MYO16: variants seen among roughly 807,000 people sequenced by gnomAD.
MYO16 encodes the protein myosin XVI.
MYO16 carries 94 observed loss-of-function variants against 205.3 expected under a neutral mutation model. That is an observed-to-expected ratio of 0.46 (90% CI 0.39 to 0.54). The LOEUF is 0.54. MYO16 is among the 20% of genes least tolerant of loss of function. The pLI is 0.00. For synonymous variants in MYO16, 988 were observed against 954.0 expected (o/e 1.04, Z -0.66); for missense variants, 2,315 against 2,387.5 (o/e 0.97, Z 0.63).
intron 20 of MYO16, among the ~76,000 whole-genome samples, chr13:108,984,413 C>T (rs1028675728): frequency 1.3e-5 from 2 of 152,168 alleles, no homozygotes; most frequent in African/African-American, 2.4e-5. Context: ...AGTCACCATC[C>T]GCATACATTT....
At chr13:108,755,221 C>T (rs942397185) in intron 4 of MYO16, among the ~76,000 whole-genome samples, 4 of 151,328 alleles carry the variant, frequency 2.6e-5, no homozygotes, top group Admixed American at 6.6e-5. Context: ...GCATGCAGAA[C>T]AAGCAGAGAA....
intron 7 of MYO16, among the ~76,000 whole-genome samples, chr13:108,809,551 T>C (rs1397808861): frequency 1.3e-5 from 2 of 152,002 alleles, no homozygotes; most frequent in African/African-American, 4.8e-5. Flanking sequence ...GAAAGAGAGT[T>C]GGGGGATGTA....
rs567902699 is a variant in MYO16, at chr13:108,767,105, T to TTTG, written c.508-18528_508-18527insGTT. ...GGTTTTTGTTTGTTTGTTTGTTTTG[T>TTTG]TTTGTTTTGTTTTGAGACAGGGAGT... On this transcript the variant is annotated intron_variant, in intron 4 of 34. Coordinates refer to ENST00000457511, the MANE Select transcript of MYO16 (RefSeq NM_001198950.3). Among the ~76,000 whole-genome samples the TTTG allele has an allele frequency of 3.2e-4, 42 of 132,652 alleles. No individual in the cohort carries two copies. The South Asian group carries it at 0.011, about 35-fold the overall frequency. 87.0% of individuals were successfully genotyped at this position (132,652 alleles called of 152,430 possible). A position where few individuals can be genotyped will look rare whatever the true frequency, so the allele number is the denominator to read the frequency against.
At chr13:108,579,825 T>G in the MYO16 span, among the ~76,000 whole-genome samples, 2 of 152,192 alleles carry the variant, frequency 1.3e-5, no homozygotes, top group African/African-American at 2.4e-5. Context: ...TAAAGAGCCA[T>G]GCCTATTGTT....
chr13:108,621,492 T>C (rs1376298605), intron 1 of MYO16, among the ~76,000 whole-genome samples: 2 of 152,330 alleles, frequency 1.3e-5, no homozygotes, highest in East Asian at 1.9e-4. Flanking sequence ...TGGAGTAACA[T>C]GATGAAGTCT....
At chr13:108,508,349 C>T in the MYO16 span, among the ~76,000 whole-genome samples, 1 of 151,998 alleles carries the variant, frequency 6.6e-6, no homozygotes, top group East Asian at 1.9e-4. Flanking sequence ...TTCTGGAGGC[C>T]TCTCAAAGCT....
chr13:108,774,048 G>A (rs562034586), intron 4 of MYO16, among the ~76,000 whole-genome samples: 9 of 152,094 alleles, frequency 5.9e-5, no homozygotes, highest in African/African-American at 9.6e-5. Context: ...CCGAGATTGC[G>A]CCACTGCACT....
intron 16 of MYO16, among the ~76,000 whole-genome samples, chr13:108,949,443 C>T (rs1298018387): frequency 6.6e-6 from 1 of 151,964 alleles, no homozygotes; most frequent in African/African-American, 2.4e-5. Flanking sequence ...ACACCCTTTC[C>T]AATTTCTCCA....
chr13:108,926,851 TAAAC>T (rs1398951045), intron 16 of MYO16, among the ~76,000 whole-genome samples: 1 of 152,184 alleles, frequency 6.6e-6, no homozygotes, highest in Non-Finnish European at 1.5e-5. Context: ...TAGACGGTGT[TAAAC>T]AACATCTTTT....
At chr13:109,168,451 C>T (rs1878784521) in intron 33 of MYO16, among the ~76,000 whole-genome samples, 1 of 152,162 alleles carries the variant, frequency 6.6e-6, no homozygotes, top group Non-Finnish European at 1.5e-5. Context: ...AGGCCAGGCG[C>T]GGTGGCTCAC....
Position 108,815,275 on chromosome 13 carries a change from G to A in MYO16, c.868-5062G>A, listed in dbSNP as rs182952631. Among the ~76,000 whole-genome samples, 19 of 152,224 alleles carry A rather than the reference G, an allele frequency of 1.2e-4. No individual in the cohort carries two copies. The South Asian group carries it at 2.5e-3, about 20-fold the overall frequency. On this transcript the variant is annotated intron_variant, in intron 7 of 34. Transcript: ENST00000457511. ...CCCAACGATGTCCATGTCCTAATCC[G>A]CAGAACCTGTCAATATATTACAAGG... is the stretch of plus-strand genomic sequence containing the variant.
rs547067929 is a variant in MYO16, at chr13:108,813,880, G to A, written c.868-6457G>A. On this transcript the variant is annotated intron_variant, in intron 7 of 34. Coordinates refer to ENST00000457511, the MANE Select transcript of MYO16 (RefSeq NM_001198950.3). ...GTTAAAACAGATGTTCCAGAGTAGA[G>A]TAATTGGAATTAGCCCTGGCCTGCT... 4.1e-3 allele frequency among the ~76,000 whole-genome samples: 619 copies of A among 152,276 alleles called. 3 individuals are homozygous for A. Among genetic ancestry groups the A allele is most frequent in the African/African-American group, 0.014 (596 of 41,574 alleles).
At chr13:109,154,534 T>C (rs144940266) in intron 32 of MYO16, among the ~76,000 whole-genome samples, 24 of 152,284 alleles carry the variant, frequency 1.6e-4, no homozygotes, top group Non-Finnish European at 2.8e-4. Context: ...TTTTCTTTCT[T>C]TCTGTTTTCT....
At chr13:108,869,602 G>A (rs1447273855) in intron 12 of MYO16, among the ~76,000 whole-genome samples, 3 of 150,102 alleles carry the variant, frequency 2.0e-5, no homozygotes, top group Non-Finnish European at 4.5e-5. Flanking sequence ...GTCGTGGCGG[G>A]CGTCTGTAGT....
chr13:108,883,295 G>A lies in MYO16; in HGVS notation c.1553+109G>A, dbSNP rs112862543. ...CCTTTATTTACTTTCTCAGCACCTT[G>A]AGGTCCAGTATATCTTTGCAATAAG... On this transcript the variant is annotated intron_variant, in intron 13 of 34. Coordinates refer to ENST00000457511, the MANE Select transcript of MYO16 (RefSeq NM_001198950.3). 1.6e-4 allele frequency: 220 copies of A among 1,358,208 alleles called. 1 individual carries two copies. The African/African-American group carries it at 2.6e-3, about 16-fold the overall frequency. 84.1% of individuals were successfully genotyped at this position (1,358,208 alleles called of 1,614,324 possible).
chr13:108,593,218 T>C (rs1878450813), upstream of MYO16, among the ~76,000 whole-genome samples: 1 of 152,146 alleles, frequency 6.6e-6, no homozygotes, highest in Non-Finnish European at 1.5e-5. Flanking sequence ...TGTGAACACA[T>C]AGCAGCATTA....
chr13:108,943,175 C>T (rs1199768560), intron 16 of MYO16, among the ~76,000 whole-genome samples: 1 of 152,208 alleles, frequency 6.6e-6, no homozygotes, highest in African/African-American at 2.4e-5. Flanking sequence ...ATTGCCCAAA[C>T]ATAAACACTG....
chr13:108,921,966 T>C (rs540793949), intron 16 of MYO16, among the ~76,000 whole-genome samples: 2 of 152,280 alleles, frequency 1.3e-5, no homozygotes, highest in South Asian at 4.1e-4. Context: ...ATTGGAGTCA[T>C]GTGAGAATAA....
intron 1 of MYO16, among the ~76,000 whole-genome samples, chr13:108,620,839 G>A (rs1288739547): frequency 2.0e-5 from 3 of 152,040 alleles, no homozygotes; most frequent in Admixed American, 6.6e-5. Context: ...TGATATTTAT[G>A]CATTTCAGAT....
Sources: allele counts gnomAD v4.1 joint callset (sites outside exome capture counted in the v4.1 genomes callset), GRCh38; gene constraint gnomAD v4.1.1; transcripts MANE v1.5; gene names NCBI Gene and HGNC (gene_info 2026-07-23, HGNC 2026-07-21).